The following RBKS variants were observed in gnomAD, a reference collection of about 807,000 sequenced individuals.
RBKS encodes the protein ribokinase.
Under a neutral mutation model 33.9 loss-of-function variants are expected in RBKS, and 33 were observed. The ratio of observed to expected loss-of-function variants is 0.97; its 90% CI spans 0.74 to 1.30. The LOEUF is 1.30. RBKS is among the 50% of genes most tolerant of loss of function. RBKS has a pLI of 0.00. For synonymous variants in RBKS, 125 were observed against 143.0 expected, an observed-to-expected ratio of 0.87 and a Z score of 0.90; for missense variants, 361 against 392.6, an observed-to-expected ratio of 0.92 and a Z score of 0.68.
intron 7 of RBKS, among the ~76,000 whole-genome samples, chr2:27,783,167 G>T (rs867838579): frequency 6.6e-6 from 1 of 152,274 alleles, no homozygotes; most frequent in Middle Eastern, 3.4e-3. Context: ...AGGGGGCCGG[G>T]CGTGGTGGCT....
intron 2 of RBKS, among the ~76,000 whole-genome samples, chr2:27,850,939 A>G (rs1663734237): frequency 6.6e-6 from 1 of 152,228 alleles, no homozygotes; most frequent in Non-Finnish European, 1.5e-5. Context: ...ACCACCTGGA[A>G]CTGAGAGGTG....
At chr2:27,801,963 AATATATATAT>A (rs869036134) in intron 7 of RBKS, among the ~76,000 whole-genome samples, 1 of 47,614 alleles carries the variant, frequency 2.1e-5, no homozygotes, top group Admixed American at 2.7e-4. Context: ...AAAAAAAAAA[AATATATATAT>A]ATATATATAT....
intron 5 of RBKS, among the ~76,000 whole-genome samples, chr2:27,841,729 A>AACAC (rs35205983): frequency 0.01 from 1,490 of 142,250 alleles, 15 homozygotes; most frequent in Non-Finnish European, 0.012. Context: ...CACTTATATA[A>AACAC]ACACACACAC....
At chr2:27,889,933 G>C (rs1436782775) in intron 1 of RBKS, 1 of 277,560 alleles carries the variant, frequency 3.6e-6, no homozygotes, top group Non-Finnish European at 6.8e-6. Flanking sequence ...GGCTCGTTTG[G>C]GGAAAGGCTC....
chr2:27,806,940 G>A (rs770812500), intron 7 of RBKS, among the ~76,000 whole-genome samples: 2 of 152,170 alleles, frequency 1.3e-5, no homozygotes, highest in Non-Finnish European at 2.9e-5. Context: ...CATATTTTGA[G>A]AACCATATCC....
chr2:27,789,949 GTATA>G (rs35109548), intron 7 of RBKS, among the ~76,000 whole-genome samples: 94 of 121,500 alleles, frequency 7.7e-4, no homozygotes, highest in South Asian at 6.0e-3. Flanking sequence ...ATGTATATGT[GTATA>G]TATATATATA....
chr2:27,877,432 G>A (rs187447781), intron 1 of RBKS, among the ~76,000 whole-genome samples: 88 of 151,924 alleles, frequency 5.8e-4, no homozygotes, highest in Non-Finnish European at 9.1e-4. Context: ...TGTCATTAGC[G>A]TCTCCATTAC....
At chr2:27,818,640 T>G (rs1678142940) in intron 7 of RBKS, among the ~76,000 whole-genome samples, 1 of 152,210 alleles carries the variant, frequency 6.6e-6, no homozygotes, top group African/African-American at 2.4e-5. Context: ...TCTGAGAATG[T>G]GAAGTAATGC....
chr2:27,792,436 TA>T (rs1180794080), intron 7 of RBKS, among the ~76,000 whole-genome samples: 2 of 152,210 alleles, frequency 1.3e-5, no homozygotes, highest in African/African-American at 4.8e-5. Context: ...AGAGAGAAAT[TA>T]AAAAATAAAA....
chr2:27,826,952 T>A (rs527350775), intron 7 of RBKS, among the ~76,000 whole-genome samples: 130 of 152,070 alleles, frequency 8.5e-4, no homozygotes, highest in Non-Finnish European at 1.7e-3. Flanking sequence ...TCTTCTTCTG[T>A]AAAATGGAAA....
chr2:27,861,663 T>TGG (rs56729802), intron 1 of RBKS: 20,727 of 306,944 alleles, frequency 0.068, 1,203 homozygotes, highest in African/African-American at 0.24. Flanking sequence ...CATTTCTTTT[T>TGG]GGGGGGGGGG....
chr2:27,886,946 T>G (rs1332048255), intron 1 of RBKS, among the ~76,000 whole-genome samples: 2 of 152,152 alleles, frequency 1.3e-5, no homozygotes, highest in Non-Finnish European at 2.9e-5. Context: ...GATTTTTTAC[T>G]TCAAGCTTAA....
Position 27,781,768 on chromosome 2 carries a change from C to T in RBKS, c.816G>A (p.Val272=), listed in dbSNP as rs1558530345. ...VDTTGAGDSF[V]GALAFYLAYY... The stretch of plus-strand genomic sequence containing the variant: ...AAGCCAGGTAGAAGGCCAGAGCTCC[C>T]ACAAAGCTGTCACCAGCACCCTGTA... Residue 272 remains valine (V), a synonymous_variant, in exon 8 of 8, where the codon GTG becomes GTA. Coordinates refer to ENST00000302188, the MANE Select transcript of RBKS (RefSeq NM_022128.3). The T allele has an allele frequency of 6.2e-7, 1 of 1,613,486 alleles. No individual in the cohort carries two copies. The highest frequency in any genetic ancestry group is 8.5e-7 in the Non-Finnish European group (1 of 1,179,702).
intron 1 of RBKS, among the ~76,000 whole-genome samples, chr2:27,865,116 C>G (rs1323314457): frequency 1.3e-5 from 2 of 152,132 alleles, no homozygotes; most frequent in Non-Finnish European, 2.9e-5. Context: ...GTCAGGAGAT[C>G]AAGACCATCC....
intron 1 of RBKS, among the ~76,000 whole-genome samples, chr2:27,874,293 A>G (rs1664271680): frequency 6.6e-6 from 1 of 152,198 alleles, no homozygotes; most frequent in Non-Finnish European, 1.5e-5. Context: ...CTCCGCATAT[A>G]TTTGTTACAA....
chr2:27,889,721 A>G (rs751320724), intron 1 of RBKS, among the ~76,000 whole-genome samples: 28 of 152,248 alleles, frequency 1.8e-4, no homozygotes, highest in Non-Finnish European at 3.2e-4. Context: ...ATACTGCAGT[A>G]ATGCCGACAA....
At chr2:27,829,472 G>A (rs1412969881) in intron 6 of RBKS, among the ~76,000 whole-genome samples, 1 of 148,614 alleles carries the variant, frequency 6.7e-6, no homozygotes. Context: ...AGGTTCACAC[G>A]ATTCTCCTGC....
intron 5 of RBKS, among the ~76,000 whole-genome samples, chr2:27,833,210 C>T (rs138984149): frequency 2.6e-5 from 4 of 152,066 alleles, no homozygotes; most frequent in Non-Finnish European, 5.9e-5. Flanking sequence ...GAAAAAGAGA[C>T]GATAGAAAAT....
intron 7 of RBKS, among the ~76,000 whole-genome samples, chr2:27,809,145 A>G (rs1202199169): frequency 6.6e-6 from 1 of 152,230 alleles, no homozygotes. Context: ...TGGCTTACGC[A>G]CTGGCACACC....
Sources: gnomAD v4.1 joint callset for allele counts (sites outside exome capture counted in the v4.1 genomes callset) on GRCh38, gnomAD v4.1.1 for gene constraint, MANE v1.5 for transcripts, NCBI Gene and HGNC (gene_info 2026-07-23, HGNC 2026-07-21) for gene names.